Variants in KCNH1 observed in about 807,000 individuals in gnomAD.
KCNH1 encodes voltage-gated delayed rectifier potassium channel KCNH1.
Under a neutral mutation model 69.2 loss-of-function variants are expected in KCNH1, and 27 were observed. That is an observed-to-expected ratio of 0.39 (90% confidence interval 0.29 to 0.54). The LOEUF is 0.54. KCNH1 is among the 20% of genes least tolerant of loss of function. The pLI is 0.68. For synonymous variants in KCNH1, 456 were observed against 487.7 expected (o/e 0.93, Z 0.86); for missense variants, 798 against 1,261.6 (o/e 0.63, Z 5.57).
At chr1:210,927,489 T>C (rs943102555) in intron 6 of KCNH1, among the ~76,000 whole-genome samples, 4 of 152,114 alleles carry the variant, frequency 2.6e-5, no homozygotes, top group Non-Finnish European at 5.9e-5. Flanking sequence ...AAAGATGCAA[T>C]CTTTTCCAGA....
intron 1 of KCNH1, among the ~76,000 whole-genome samples, chr1:211,124,594 C>G (rs965633090): frequency 6.6e-6 from 1 of 151,832 alleles, no homozygotes; most frequent in Non-Finnish European, 1.5e-5. Flanking sequence ...TCCAGCCTGG[C>G]GACAGAGCAA....
chr1:210,992,430 G>A (rs1380921914), intron 6 of KCNH1, among the ~76,000 whole-genome samples: 9 of 152,094 alleles, frequency 5.9e-5, no homozygotes, highest in Non-Finnish European at 1.0e-4. Context: ...TTCCCAAGGC[G>A]CTAAACAGAG....
chr1:211,006,789 G>C (rs1689294317), intron 6 of KCNH1, among the ~76,000 whole-genome samples: 1 of 152,042 alleles, frequency 6.6e-6, no homozygotes, highest in Admixed American at 6.5e-5. Flanking sequence ...ATTTTGATAT[G>C]TCCATACAAT....
At chr1:211,021,257 G>A (rs939658493) in intron 5 of KCNH1, among the ~76,000 whole-genome samples, 1 of 151,872 alleles carries the variant, frequency 6.6e-6, no homozygotes, top group African/African-American at 2.4e-5. Flanking sequence ...CACCACTAAA[G>A]AACTTATTCA....
At chr1:211,045,041 G>GATATATAGATATATAGATATATAT (rs1164564038) in intron 5 of KCNH1, among the ~76,000 whole-genome samples, 3 of 81,718 alleles carry the variant, frequency 3.7e-5, no homozygotes, top group African/African-American at 1.3e-4. Flanking sequence ...AATTGTGGGG[G>GATATATAGATATATAGATATATAT]ATATATATAT....
intron 4 of KCNH1, among the ~76,000 whole-genome samples, 191 bp downstream of exon 4, chr1:211,090,369 CAA>C (rs1369991198): frequency 6.6e-6 from 1 of 152,154 alleles, no homozygotes; most frequent in African/African-American, 2.4e-5. Context: ...CTTTCCTAAA[CAA>C]AGTGTTTTTT....
chr1:210,828,401 G>A (rs1238348860), intron 7 of KCNH1, among the ~76,000 whole-genome samples: 1 of 152,122 alleles, frequency 6.6e-6, no homozygotes, highest in African/African-American at 2.4e-5. Flanking sequence ...ATGACAAATT[G>A]GGCATTGATA....
intron 6 of KCNH1, among the ~76,000 whole-genome samples, chr1:211,018,015 T>G (rs1252259983): frequency 1.3e-5 from 2 of 152,036 alleles, no homozygotes; most frequent in Non-Finnish European, 2.9e-5. Flanking sequence ...CGAAAGCAAG[T>G]TGTTACAAAA....
At chr1:210,803,883 G>A (rs1479069305) in intron 8 of KCNH1, 84 bp downstream of exon 8, 1 of 1,208,414 alleles carries the variant, frequency 8.3e-7, no homozygotes, top group East Asian at 2.3e-5. Flanking sequence ...AGCCAGGTTT[G>A]ACATCCACTG....
At chr1:210,940,707 C>T (rs1006433252) in intron 6 of KCNH1, among the ~76,000 whole-genome samples, 22 of 152,108 alleles carry the variant, frequency 1.4e-4, no homozygotes, top group African/African-American at 5.3e-4. Flanking sequence ...AAACTGAAAT[C>T]TTTTTCATTG....
At chr1:210,871,812 A>AGT (rs1686255156) in intron 7 of KCNH1, among the ~76,000 whole-genome samples, 4 of 148,762 alleles carry the variant, frequency 2.7e-5, no homozygotes, top group Non-Finnish European at 4.4e-5. Context: ...ACAAAAAACC[A>AGT]AACACCGCAT....
At chr1:211,026,376 C>CAAAAAAAAAAAAAAAAA (rs34132386) in intron 5 of KCNH1, among the ~76,000 whole-genome samples, 2 of 72,704 alleles carry the variant, frequency 2.8e-5, no homozygotes, top group Non-Finnish European at 5.9e-5. Context: ...GGAGTATAGA[C>CAAAAAAAAAAAAAAAAA]AAAAAAAAAA....
At chr1:210,747,028 A>G (rs554978575) in intron 10 of KCNH1, among the ~76,000 whole-genome samples, 44 of 152,244 alleles carry the variant, frequency 2.9e-4, no homozygotes, top group African/African-American at 9.9e-4. Context: ...TTCATTAGGG[A>G]AACTCCAGAA....
At chr1:210,820,693 A>T (rs568485915) in intron 7 of KCNH1, among the ~76,000 whole-genome samples, 1 of 152,206 alleles carries the variant, frequency 6.6e-6, no homozygotes, top group Non-Finnish European at 1.5e-5. Flanking sequence ...TGGGATGAGA[A>T]GATTACTGTG....
At chr1:210,791,191 T>C (rs543787874) in intron 9 of KCNH1, among the ~76,000 whole-genome samples, 2 of 152,290 alleles carry the variant, frequency 1.3e-5, no homozygotes, top group South Asian at 4.1e-4. Context: ...GTTAATGTAA[T>C]AAAAGGTCTC....
At chr1:210,955,654 C>G (rs982430852) in intron 6 of KCNH1, among the ~76,000 whole-genome samples, 1 of 152,066 alleles carries the variant, frequency 6.6e-6, no homozygotes, top group Non-Finnish European at 1.5e-5. Context: ...ATTTTATTCT[C>G]TTTGTAGCAA....
At chr1:210,821,810 T>TTATC (rs1420977591) in intron 7 of KCNH1, among the ~76,000 whole-genome samples, 31 of 56,114 alleles carry the variant, frequency 5.5e-4, no homozygotes, top group African/African-American at 1.2e-3. Flanking sequence ...AGCTATTTAT[T>TTATC]TATTTATTTA....
chr1:211,068,498 T>C (rs528459364), intron 5 of KCNH1, among the ~76,000 whole-genome samples: 32 of 152,222 alleles, frequency 2.1e-4, no homozygotes, highest in Admixed American at 1.8e-3. Context: ...CAGGTTCTAG[T>C]GATTCTTCTG....
At chr1:210,860,361 A>T in intron 7 of KCNH1, 1 of 1,432,810 alleles carries the variant, frequency 7.0e-7, no homozygotes, top group Non-Finnish European at 9.8e-7. Flanking sequence ...AAACAGTACC[A>T]ATGACCTGTA....
Sources: allele counts gnomAD v4.1 joint callset (sites outside exome capture counted in the v4.1 genomes callset), GRCh38; gene constraint gnomAD v4.1.1; transcripts MANE v1.5; gene names NCBI Gene and HGNC (gene_info 2026-07-23, HGNC 2026-07-21).